ENTPD6: variants seen among roughly 807,000 people sequenced by gnomAD.
The protein encoded by ENTPD6 is CD39 antigen-like 2.
Under a neutral mutation model 61.5 loss-of-function variants are expected in ENTPD6, and 46 were observed. The observed-to-expected ratio is 0.75, with a 90% confidence interval of 0.59 to 0.96. The LOEUF (loss-of-function observed/expected upper bound fraction) is 0.96, where lower values mean the gene tolerates loss of function less well. Ranked by LOEUF, ENTPD6 falls within the 40% of genes least tolerant of loss-of-function variation. The pLI is 0.00. For synonymous variants in ENTPD6, 252 were observed against 255.5 expected, an observed-to-expected ratio of 0.99 and a Z score of 0.13; for missense variants, 612 against 629.0, an observed-to-expected ratio of 0.97 and a Z score of 0.29.
At chr20:25,218,508 C>T (rs762148427) in intron 9 of ENTPD6, 42 bp from the exon 10 acceptor site, 3 of 1,569,282 alleles carry the variant, frequency 1.9e-6, no homozygotes, top group East Asian at 2.3e-5. Context: ...ATGACCTGTA[C>T]CTGCCATGGC....
intron 11 of ENTPD6, chr20:25,222,612 G>C (rs1304089393): frequency 4.1e-6 from 2 of 493,406 alleles, no homozygotes. Flanking sequence ...TCGTGCCCAC[G>C]GTCTTCACTC....
intron 1 of ENTPD6, among the ~76,000 whole-genome samples, chr20:25,198,362 G>T (rs570215568): frequency 1.3e-5 from 2 of 152,220 alleles, no homozygotes; most frequent in African/African-American, 4.8e-5. Context: ...TGTAATCTCA[G>T]GTACTTGGGA....
chr20:25,198,203 C>T (rs548689457), intron 1 of ENTPD6, among the ~76,000 whole-genome samples: 2 of 152,064 alleles, frequency 1.3e-5, no homozygotes, highest in South Asian at 2.1e-4. Flanking sequence ...GGGCCAGGTG[C>T]GGTGTCTCAC....
At chr20:25,199,693 T>C (rs969213042) in intron 1 of ENTPD6, among the ~76,000 whole-genome samples, 1 of 152,232 alleles carries the variant, frequency 6.6e-6, no homozygotes, top group African/African-American at 2.4e-5. Flanking sequence ...CTGTGTGATT[T>C]GACAGCTCTG....
At position 25,227,519 on chromosome 20, in the gene ENTPD6, C is replaced by T. The variant is rs117884326; in HGVS notation, c.*1922C>T. Among the ~76,000 whole-genome samples the T allele has an allele frequency of 3.9e-4, 59 of 152,322 alleles. No homozygotes were observed. The East Asian group carries it at 0.01, about 26-fold the overall frequency. The stretch of plus-strand genomic sequence containing the variant: ...GGCAAAGTATGCAAGTCATTTCTCT[C>T]TGAGTGTCTTTTGTGATAATGAAGT... On this transcript the variant is annotated 3_prime_UTR_variant, in exon 15 of 15. Transcript: ENST00000376652.
At chr20:25,220,223 G>C (rs1053467082) in intron 10 of ENTPD6, among the ~76,000 whole-genome samples, 39 of 152,348 alleles carry the variant, frequency 2.6e-4, no homozygotes, top group African/African-American at 9.4e-4. Context: ...AGCAGTCGCG[G>C]CTGGAATCTC....
In ENTPD6 at chr20:25,225,744, G is replaced by A; in HGVS notation, c.*147G>A. ...GGCTCTGGGACTTGCAGAAGGCCTG[G>A]TGCTGCCCTGGCATCAGCCTCTTCC... On this transcript the variant is annotated 3_prime_UTR_variant, in exon 15 of 15. Coordinates refer to ENST00000376652, the MANE Select transcript of ENTPD6 (RefSeq NM_001247.5). 6 of 659,918 alleles carry A rather than the reference G, an allele frequency of 9.1e-6. No homozygotes were observed. Among genetic ancestry groups the A allele is most frequent in the South Asian group, 5.6e-5 (3 of 53,258 alleles). The allele number at this position is 659,918 out of a possible 1,614,324, so 40.9% of individuals were successfully genotyped here.
chr20:25,196,112 T>TA, intron 1 of ENTPD6: 1 of 1,156,966 alleles, frequency 8.6e-7, no homozygotes, highest in Non-Finnish European at 1.1e-6. Context: ...CAGGGGCCTG[T>TA]AGCCCCAGGG....
At chr20:25,219,442 T>C (rs2092527546) in intron 10 of ENTPD6, among the ~76,000 whole-genome samples, 1 of 152,238 alleles carries the variant, frequency 6.6e-6, no homozygotes, top group Non-Finnish European at 1.5e-5. Context: ...TCATGAAATG[T>C]GGGCTTGGCC....
At chr20:25,206,331 A>G (rs1050843894) in intron 1 of ENTPD6, among the ~76,000 whole-genome samples, 191 bp from the exon 2 acceptor site, 15 of 152,202 alleles carry the variant, frequency 9.9e-5, no homozygotes, top group Admixed American at 8.5e-4. Context: ...GTCGGCCCAC[A>G]CTTCTTGTCC....
At chr20:25,213,547 G>A in intron 5 of ENTPD6, 141 bp downstream of exon 5, 1 of 774,676 alleles carries the variant, frequency 1.3e-6, no homozygotes, top group Non-Finnish European at 2.0e-6. Context: ...TCACTTTTAG[G>A]TGGAGGGATG....
intron 7 of ENTPD6, 63 bp downstream of exon 7, chr20:25,215,774 G>A: frequency 2.0e-6 from 3 of 1,529,886 alleles, no homozygotes; most frequent in East Asian, 2.3e-5. Context: ...GCTCGACTGG[G>A]CCTTTCGAGA....
chr20:25,207,432 C>T (rs2091599130), intron 3 of ENTPD6, 35 bp downstream of exon 3: 1 of 1,501,058 alleles, frequency 6.7e-7, no homozygotes, highest in South Asian at 1.3e-5. Context: ...CTCGGGATCT[C>T]CTCCCCTGTG....
At chr20:25,208,020 C>T (rs891154915) in intron 3 of ENTPD6, among the ~76,000 whole-genome samples, 1 of 152,194 alleles carries the variant, frequency 6.6e-6, no homozygotes, top group African/African-American at 2.4e-5. Context: ...CCCTCTCGTG[C>T]CCGTGACCCT....
At position 25,213,245 on chromosome 20, in the gene ENTPD6, C is replaced by A; in HGVS notation, c.454-18C>A. Reference sequence around the variant, plus strand: ...GCTGCACTTGACAGACCCTGCTTTGCTCTTACCACGTTCACAGAGCGCTCA... The same window carrying A: ...GCTGCACTTGACAGACCCTGCTTTGATCTTACCACGTTCACAGAGCGCTCA... On this transcript the variant is annotated intron_variant, in intron 4 of 14. Transcript: ENST00000376652. The A allele has an allele frequency of 6.2e-7, 1 of 1,614,172 alleles. No homozygotes were observed. Among genetic ancestry groups the A allele is most frequent in the Non-Finnish European group, 8.5e-7 (1 of 1,179,988 alleles).
In ENTPD6 at chr20:25,195,884, G is replaced by A. The variant is rs1445786977; in HGVS notation, c.-16+17G>A. On this transcript the variant is annotated intron_variant, in intron 1 of 14. Coordinates refer to ENST00000376652, the MANE Select transcript of ENTPD6 (RefSeq NM_001247.5). ...CGGTGCATGGTAAGCGGCGGGCCGGGGCGCTGGCGGGGGCGGCCGGGGATC... is the reference window on the plus strand; with the variant it reads ...CGGTGCATGGTAAGCGGCGGGCCGGAGCGCTGGCGGGGGCGGCCGGGGATC... The A allele has an allele frequency of 1.6e-6, 2 of 1,233,724 alleles. No homozygotes were observed. Among genetic ancestry groups the A allele is most frequent in the Admixed American group, 4.2e-5 (1 of 23,676 alleles). The allele number at this position is 1,233,724 out of a possible 1,614,324, so 76.4% of individuals were successfully genotyped here. A position where few individuals can be genotyped will look rare whatever the true frequency, so the allele number is the denominator to read the frequency against.
chr20:25,207,733 A>G (rs913741223), intron 3 of ENTPD6, among the ~76,000 whole-genome samples: 1 of 152,168 alleles, frequency 6.6e-6, no homozygotes, highest in Non-Finnish European at 1.5e-5. Context: ...GGCAGGAAGT[A>G]TCCCCAGATT....
intron 4 of ENTPD6, among the ~76,000 whole-genome samples, 181 bp from the exon 5 acceptor site, chr20:25,213,082 C>CACT (rs1390972087): frequency 1.3e-5 from 2 of 152,124 alleles, no homozygotes; most frequent in Non-Finnish European, 1.5e-5. Flanking sequence ...GAAGGAGGAT[C>CACT]ACTTGAGCCC....
chr20:25,198,471 G>A (rs2268880), intron 1 of ENTPD6, among the ~76,000 whole-genome samples: 41,818 of 151,268 alleles, frequency 0.28, 6,564 homozygotes, highest in East Asian at 0.61. Flanking sequence ...GAGAGAGTGA[G>A]ACTCTGTCTC....
Sources: allele counts gnomAD v4.1 joint callset (sites outside exome capture counted in the v4.1 genomes callset), GRCh38; gene constraint gnomAD v4.1.1; transcripts MANE v1.5; gene names NCBI Gene and HGNC (gene_info 2026-07-23, HGNC 2026-07-21).